Variants in MRTFA observed in about 807,000 individuals in gnomAD.
MRTFA encodes myocardin-related transcription factor A.
In MRTFA, 20 loss-of-function variants were observed where a neutral mutation model predicts 83.5. That is an observed-to-expected ratio of 0.24 (90% CI 0.17 to 0.35). The LOEUF is 0.35. Among genes scored for constraint, MRTFA ranks in the 10% least tolerant of loss-of-function variants. The pLI is 1.00. For missense variants in MRTFA, 1,200 were observed against 1,224.7 expected, an observed-to-expected ratio of 0.98 and a Z score of 0.30; for synonymous variants, 659 against 541.2, an observed-to-expected ratio of 1.22 and a Z score of -3.02.
intron 3 of MRTFA, among the ~76,000 whole-genome samples, chr22:40,515,021 G>A (rs1166824296): frequency 6.7e-6 from 1 of 150,060 alleles, no homozygotes; most frequent in Non-Finnish European, 1.5e-5. Context: ...CGATTCTCCC[G>A]CCTCAGCCTC....
intron 7 of MRTFA, chr22:40,429,248 T>A: frequency 1.7e-6 from 1 of 598,862 alleles, no homozygotes; most frequent in Non-Finnish European, 3.0e-6. Context: ...ATAAAGAGTA[T>A]GACACAGATT....
At chr22:40,606,279 T>C (rs1440940402) in intron 1 of MRTFA, among the ~76,000 whole-genome samples, 1 of 152,248 alleles carries the variant, frequency 6.6e-6, no homozygotes. Context: ...CTCTGGGGCA[T>C]GTGGCCAAAT....
chr22:40,590,792 T>C (rs1446986896), intron 2 of MRTFA, among the ~76,000 whole-genome samples: 1 of 151,802 alleles, frequency 6.6e-6, no homozygotes. Flanking sequence ...TAATACCTAG[T>C]CTGTATACAC....
At chr22:40,453,528 C>G (rs2053532469) in intron 4 of MRTFA, among the ~76,000 whole-genome samples, 1 of 152,124 alleles carries the variant, frequency 6.6e-6, no homozygotes, top group Non-Finnish European at 1.5e-5. Context: ...GATGATCACA[C>G]AGAGCTTTCA....
At chr22:40,432,149 A>C (rs1264145548) in intron 5 of MRTFA, among the ~76,000 whole-genome samples, 1 of 152,126 alleles carries the variant, frequency 6.6e-6, no homozygotes, top group Non-Finnish European at 1.5e-5. Flanking sequence ...GGGAGGCTGA[A>C]GCAGGAGAAT....
chr22:40,454,947 T>C (rs1370583454), intron 4 of MRTFA, among the ~76,000 whole-genome samples: 1 of 152,160 alleles, frequency 6.6e-6, no homozygotes, highest in East Asian at 1.9e-4. Flanking sequence ...GCCACAAGCA[T>C]GTGATATCAT....
In MRTFA at chr22:40,420,495, G is replaced by A. The variant is rs144342310; in HGVS notation, c.1263C>T (p.Gly421=). ...GTGCCAGCCCACAGGGCCCAGGGGC[G>A]CCCGAGCTGGAGCTGCTATTGGTAG... Residue 421 remains glycine (G), a synonymous_variant, in exon 11 of 15, where the codon GGC becomes GGT. Coordinates refer to ENST00000355630, the MANE Select transcript of MRTFA (RefSeq NM_020831.6). 22 of 1,613,650 alleles carry A rather than the reference G, an allele frequency of 1.4e-5. No individual in the cohort carries two copies. Among genetic ancestry groups the A allele is most frequent in the Admixed American group, 6.7e-5 (4 of 60,018 alleles).
intron 3 of MRTFA, among the ~76,000 whole-genome samples, chr22:40,486,939 A>G (rs2054183608): frequency 6.6e-6 from 1 of 152,204 alleles, no homozygotes; most frequent in Non-Finnish European, 1.5e-5. Context: ...CATCACTGCA[A>G]TCCAGCCTGG....
At chr22:40,573,595 T>C (rs1422357187) in intron 2 of MRTFA, among the ~76,000 whole-genome samples, 1 of 152,126 alleles carries the variant, frequency 6.6e-6, no homozygotes, top group African/African-American at 2.4e-5. Flanking sequence ...TAATATGTGA[T>C]TTATATCTCA....
intron 3 of MRTFA, chr22:40,526,183 TTTGTTG>T (rs57693796): frequency 1.3e-3 from 203 of 151,566 alleles, no homozygotes; most frequent in African/African-American, 4.6e-3. Flanking sequence ...GCCTGGCTAA[TTTGTTG>T]TTGTTGTTGT....
At chr22:40,470,224 C>A (rs1223425917) in intron 3 of MRTFA, among the ~76,000 whole-genome samples, 11 of 75,574 alleles carry the variant, frequency 1.5e-4, no homozygotes, top group African/African-American at 4.4e-4. Flanking sequence ...ACCCCATCTC[C>A]AAAATTTTAT....
chr22:40,617,146 GA>G (rs1569354435), intron 1 of MRTFA, among the ~76,000 whole-genome samples: 3 of 113,184 alleles, frequency 2.7e-5, no homozygotes, highest in South Asian at 3.4e-4. Flanking sequence ...ACGAGAGAAG[GA>G]AGGAAGGAAG....
At chr22:40,484,111 A>G (rs907607117) in intron 3 of MRTFA, among the ~76,000 whole-genome samples, 2 of 152,104 alleles carry the variant, frequency 1.3e-5, no homozygotes, top group Non-Finnish European at 2.9e-5. Context: ...AATTAGATAG[A>G]CAAACAATCT....
chr22:40,491,159 T>C (rs1401778564), intron 3 of MRTFA, among the ~76,000 whole-genome samples: 1 of 152,028 alleles, frequency 6.6e-6, no homozygotes, highest in Non-Finnish European at 1.5e-5. Context: ...ATGGCCAAAA[T>C]GGCAAAACCC....
intron 4 of MRTFA, among the ~76,000 whole-genome samples, chr22:40,448,934 A>T (rs772730597): frequency 6.6e-6 from 1 of 152,208 alleles, no homozygotes; most frequent in Non-Finnish European, 1.5e-5. Flanking sequence ...GTACCCAGTC[A>T]TCTTATATGC....
chr22:40,587,663 CAGTGCCAACAGTGCCAGGTTTTGGTT>C (rs1949423082), intron 2 of MRTFA: 1 of 315,112 alleles, frequency 3.2e-6, no homozygotes, highest in South Asian at 4.0e-5. Context: ...GTTCACTCTA[CAGTGCCAACAGTGCCAGGTTTTGGTT>C]GGTGCAAACA....
intron 3 of MRTFA, among the ~76,000 whole-genome samples, chr22:40,526,876 G>A (rs1328028688): frequency 6.6e-6 from 1 of 152,202 alleles, no homozygotes; most frequent in East Asian, 1.9e-4. Flanking sequence ...GAGGTGGGAG[G>A]ACTGCTTGAG....
intron 2 of MRTFA, among the ~76,000 whole-genome samples, chr22:40,567,548 T>G (rs914184162): frequency 1.9e-4 from 29 of 152,208 alleles, no homozygotes. Context: ...GATTCTACTC[T>G]TACATCAAAA....
At chr22:40,584,662 A>G (rs1376075150) in intron 2 of MRTFA, among the ~76,000 whole-genome samples, 1 of 150,528 alleles carries the variant, frequency 6.6e-6, no homozygotes, top group Non-Finnish European at 1.5e-5. Context: ...CCCAGGAGGC[A>G]GAGGTTGTGG....
Sources: gnomAD v4.1 joint callset for allele counts (sites outside exome capture counted in the v4.1 genomes callset) on GRCh38, gnomAD v4.1.1 for gene constraint, MANE v1.5 for transcripts, NCBI Gene and HGNC (gene_info 2026-07-23, HGNC 2026-07-21) for gene names.